The following NACA variants were observed in gnomAD, a reference collection of about 807,000 sequenced individuals.
NACA encodes the protein nascent polypeptide associated complex subunit alpha.
Under a neutral mutation model 86.4 loss-of-function variants are expected in NACA, and 42 were observed. The observed-to-expected ratio is 0.49, with a 90% CI of 0.38 to 0.63. NACA has a LOEUF of 0.63. Among genes scored for constraint, NACA ranks in the 20% least tolerant of loss-of-function variants. The pLI is 0.00. For missense variants in NACA, 2,157 were observed against 2,483.6 expected (o/e 0.87, Z 2.80); for synonymous variants, 898 against 973.7 (o/e 0.92, Z 1.45).
Position 56,714,703 on chromosome 12 carries a change from A to G in NACA, c.5660-16T>C, listed in dbSNP as rs1164734148. The G allele has an allele frequency of 3.1e-6, 5 of 1,610,110 alleles. No individual in the cohort carries two copies. The highest frequency in any genetic ancestry group is 4.2e-6 in the Non-Finnish European group (5 of 1,176,492). On this transcript the variant is annotated splice_polypyrimidine_tract_variant and intron_variant, in intron 3 of 8. Transcript: ENST00000454682. ...GTTCCAGACCCTAAGATGAGAAACA[A>G]CTTTTACTGCTTTATAGTAGAAATT...
At chr12:56,722,330 G>T (rs896918596) in intron 2 of NACA, among the ~76,000 whole-genome samples, 1 of 152,182 alleles carries the variant, frequency 6.6e-6, no homozygotes, top group Admixed American at 6.6e-5. Context: ...ACTCACAAGG[G>T]TAGGGACTGT....
At position 56,717,142 on chromosome 12, in the gene NACA, C is replaced by G; in HGVS notation, c.4388G>C (p.Gly1463Ala). 1 of 1,260,948 alleles carries G rather than the reference C, an allele frequency of 7.9e-7. No individual in the cohort carries two copies. Among genetic ancestry groups the G allele is most frequent in the Non-Finnish European group, 1.0e-6 (1 of 983,930 alleles). The allele number at this position is 1,260,948 out of a possible 1,614,324, so 78.1% of individuals were successfully genotyped here. Residue 1463 changes from glycine to alanine, a missense_variant, in exon 3 of 9, where the codon GGG becomes GCG. Transcript: ENST00000454682. ...AGTCACTGCTGGGAGGGTGGGATCC[C>G]CTTTGGAGGATGGGGTAGCTGGGCC... ...KGGPATPSSK[G>A]DPTLPAVTPP...
Position 56,715,986 on chromosome 12 carries a change from T to G in NACA, c.5544A>C (p.Pro1848=), listed in dbSNP as rs780303021. 1.9e-6 allele frequency: 3 copies of G among 1,579,288 alleles called. No individual in the cohort carries two copies. In the South Asian group the frequency reaches 3.5e-5, roughly 18 times the overall value. Residue 1848 remains proline, a synonymous_variant, in exon 3 of 9, where the codon CCA becomes CCC. Transcript: ENST00000454682. ...DELLPLIPPE[P]ISGGVPFQSV... ...ACTGGAAAGGCACTCCCCCAGAGAT[T>G]GGTTCCGGGGGAATCAGAGGCAGCA...
Position 56,716,332 on chromosome 12 carries a change from A to C in NACA, c.5198T>G (p.Val1733Gly), listed in dbSNP as rs756549363. The C allele has an allele frequency of 7.4e-6, 12 of 1,612,522 alleles. No homozygotes were observed. In the Admixed American group the frequency reaches 1.7e-4, roughly 22 times the overall value. ...AACAGGGAGTAGAGGGGCTGGAGCC[A>C]CTGTGGAAAGGGGTCCTTTAGAACC... ...KNGSKGPLST[V>G]APAPLLPVQK... The change falls in exon 3 of 9, where the codon GTG becomes GGG. Residue 1733 changes from valine (V) to glycine (G), a missense_variant. Physicochemically the swap from Val to Gly is moderately radical, Grantham distance 109. Around this residue, in one of 8 missense-constraint regions of NACA, gnomAD observed 797 missense variants for 777.6 expected, o/e 1.02. Transcript: ENST00000454682.
intron 5 of NACA, 143 bp from the exon 6 acceptor site, chr12:56,713,826 G>A (rs532274743): frequency 3.0e-5 from 25 of 836,170 alleles, no homozygotes; most frequent in African/African-American, 6.8e-5. Flanking sequence ...GTTTTCTGCC[G>A]TAGTAACTTC....
chr12:56,719,289 AC>A lies in NACA; in HGVS notation c.2240del (p.Gly747ValfsTer41). 1 of 1,589,976 alleles carries A rather than the reference AC, an allele frequency of 6.3e-7. No individual in the cohort carries two copies. Among genetic ancestry groups the A allele is most frequent in the Non-Finnish European group, 8.6e-7 (1 of 1,165,100 alleles). ...PSLPPAGTPP[G>X]TKKVDGISHT... Reference sequence around the variant, plus strand: ...GAGAAATACCATCAACCTTTTTTGTACCTGGAGGAGTCCCAGCTGGGGGAAG... The same window carrying A: ...GAGAAATACCATCAACCTTTTTTGTACTGGAGGAGTCCCAGCTGGGGGAAG... On this transcript the variant is annotated frameshift_variant, in exon 3 of 9. Transcript: ENST00000454682. LOFTEE classifies it high-confidence loss of function.
chr12:56,715,228 A>T (rs1414189252), intron 3 of NACA, among the ~76,000 whole-genome samples: 1 of 152,200 alleles, frequency 6.6e-6, no homozygotes, highest in Non-Finnish European at 1.5e-5. Context: ...AATGTGATCT[A>T]ATCAATATAA....
At position 56,716,139 on chromosome 12, in the gene NACA, T is replaced by G. The variant is rs1953352259; in HGVS notation, c.5391A>C (p.Pro1797=). The part of the protein sequence containing the change: ...SASVSAAPSP[P]VSLPLAPSPV... ...GGGAGGGAGCAAGAGGCAGAGAGAC[T>G]GGTGGGGAGGGTGCTGCAGAGACAG... Residue 1797 remains proline (P), a synonymous_variant, in exon 3 of 9, where the codon CCA becomes CCC. Transcript: ENST00000454682. 6.2e-7 allele frequency: 1 copy of G among 1,613,336 alleles called. No individual in the cohort carries two copies. Among genetic ancestry groups the G allele is most frequent in the Non-Finnish European group, 8.5e-7 (1 of 1,179,750 alleles).
In NACA at chr12:56,716,473, A is replaced by T. The variant is rs1271225851; in HGVS notation, c.5057T>A (p.Val1686Asp). The change falls in exon 3 of 9, where the codon GTT becomes GAT. Residue 1686 changes from valine (V) to aspartate (D), a missense_variant. This residue lies in a region of NACA where 797 missense variants were observed against 777.6 expected (regional missense o/e 1.02). Transcript: ENST00000454682. ...KGPTALKEVL[V>D]APAPESTPII... ...TGGCGTGCTTTCTGGAGCTGGGGCA[A>T]CAAGTACTTCTTTCAGAGCTGTGGG... The T allele has an allele frequency of 6.4e-7, 1 of 1,550,952 alleles. No individual in the cohort carries two copies. Among genetic ancestry groups the T allele is most frequent in the Non-Finnish European group, 8.8e-7 (1 of 1,140,586 alleles).
rs761767192 is a variant in NACA, at chr12:56,720,144, A to G, written c.1386T>C (p.Cys462=). 1 of 1,613,976 alleles carries G rather than the reference A, an allele frequency of 6.2e-7. No individual in the cohort carries two copies. The highest frequency in any genetic ancestry group is 1.1e-5 in the South Asian group (1 of 91,082). ...APTTTFEVAT[C]VSPPMSSGPI... ...GACCTGATGACATTGGAGGAGAAACACAAGTAGCTACCTCAAAGGTAGTAG... is the reference window on the plus strand; with the variant it reads ...GACCTGATGACATTGGAGGAGAAACGCAAGTAGCTACCTCAAAGGTAGTAG... The change falls in exon 3 of 9, where the codon TGT becomes TGC. Residue 462 remains cysteine (C), a synonymous_variant. Coordinates refer to ENST00000454682, the MANE Select transcript of NACA (RefSeq NM_001365896.1).
chr12:56,716,106 G>A lies in NACA; in HGVS notation c.5424C>T (p.Pro1808=). ...VSLPLAPSPV[P]TLPPKQQFLP... The stretch of plus-strand genomic sequence containing the variant: ...GAAATTGCTGTTTAGGAGGCAGAGT[G>A]GGAACTGGGGAGGGAGCAAGAGGCA... Residue 1808 remains proline, a synonymous_variant, in exon 3 of 9, where the codon CCC becomes CCT. Coordinates refer to ENST00000454682, the MANE Select transcript of NACA (RefSeq NM_001365896.1). 1 of 1,613,492 alleles carries A rather than the reference G, an allele frequency of 6.2e-7. No homozygotes were observed. Among genetic ancestry groups the A allele is most frequent in the Non-Finnish European group, 8.5e-7 (1 of 1,179,756 alleles).
At position 56,717,367 on chromosome 12, in the gene NACA, GA is replaced by G; in HGVS notation, c.4162del (p.Ser1388ProfsTer20). The G allele has an allele frequency of 7.3e-7, 1 of 1,372,512 alleles. No homozygotes were observed. The highest frequency in any genetic ancestry group is 1.3e-5 in the South Asian group (1 of 78,142). The allele number at this position is 1,372,512 out of a possible 1,614,324, so 85.0% of individuals were successfully genotyped here. A position where few individuals can be genotyped will look rare whatever the true frequency, so the allele number is the denominator to read the frequency against. ...HKGGPAMTPP[S>X]PKRGPAIPSP... Reference sequence around the variant, plus strand: ...TGGGATAGCTGGTCCTCTTTTGGGGGAGGGAGGAGTCATAGCGGGACCTCCT... The same window carrying G: ...TGGGATAGCTGGTCCTCTTTTGGGGGGGGAGGAGTCATAGCGGGACCTCCT... On this transcript the variant is annotated frameshift_variant, in exon 3 of 9. Transcript: ENST00000454682. LOFTEE classifies it high-confidence loss of function.
chr12:56,713,248 T>C (rs1198987379), intron 6 of NACA, 58 bp from the exon 7 acceptor site: 8 of 1,569,932 alleles, frequency 5.1e-6, no homozygotes, highest in Admixed American at 1.8e-5. Flanking sequence ...GAAAAATAAA[T>C]CATATAGTTT....
In NACA at chr12:56,717,117, A is replaced by C. The variant is rs534707813; in HGVS notation, c.4413T>G (p.Thr1471=). Residue 1471 remains threonine (T), a synonymous_variant, in exon 3 of 9, where the codon ACT becomes ACG. Transcript: ENST00000454682. ...CTGGGGGCTCCTTGGGGGAAGGAGG[A>C]GTCACTGCTGGGAGGGTGGGATCCC... The part of the protein sequence containing the change: ...SKGDPTLPAV[T]PPSPKEPPAP... 1.2e-5 allele frequency: 15 copies of C among 1,250,420 alleles called. No individual in the cohort carries two copies. In the South Asian group the frequency reaches 1.3e-4, roughly 10 times the overall value. The allele number at this position is 1,250,420 out of a possible 1,614,324, so 77.5% of individuals were successfully genotyped here. A position where few individuals can be genotyped will look rare whatever the true frequency, so the allele number is the denominator to read the frequency against.
chr12:56,719,199 A>G lies in NACA; in HGVS notation c.2331T>C (p.Ala777=). Residue 777 remains alanine (A), a synonymous_variant, in exon 3 of 9, where the codon GCT becomes GCC. Coordinates refer to ENST00000454682, the MANE Select transcript of NACA (RefSeq NM_001365896.1). ...PKECPTEDSG[A]SATASSKGTL... The stretch of plus-strand genomic sequence containing the variant: ...TTCCTTTGGAAGATGCAGTAGCAGA[A>G]GCACCAGAGTCCTCAGTTGGGCACT... 1 of 1,484,524 alleles carries G rather than the reference A, an allele frequency of 6.7e-7. No homozygotes were observed. The highest frequency in any genetic ancestry group is 9.1e-7 in the Non-Finnish European group (1 of 1,096,464). 92.0% of individuals were successfully genotyped at this position (1,484,524 alleles called of 1,614,324 possible).
Position 56,721,365 on chromosome 12 carries a change from C to G in NACA, c.165G>C (p.Gln55His). 6.3e-7 allele frequency: 1 copy of G among 1,599,450 alleles called. No homozygotes were observed. The highest frequency in any genetic ancestry group is 8.5e-7 in the Non-Finnish European group (1 of 1,174,014). The stretch of plus-strand genomic sequence containing the variant: ...CCTGGTTAGCAGCTGAGAGAGGGCA[C>G]TGTTGTGGGGCAGGAGAGCAAGGAG... ...LPPPCSPAPQQCPLSAANQAS... is the reference protein window; with the variant it reads ...LPPPCSPAPQHCPLSAANQAS... The change falls in exon 3 of 9, where the codon CAG (glutamine) becomes CAC (histidine). Residue 55 changes from glutamine (Q) to histidine (H), a missense_variant. Physicochemically the swap from Gln to His is conservative, Grantham distance 24. Around this residue, in one of 8 missense-constraint regions of NACA, gnomAD observed 947 missense variants for 917.9 expected, o/e 1.03. Coordinates refer to ENST00000454682, the MANE Select transcript of NACA (RefSeq NM_001365896.1).
chr12:56,723,669 T>G (rs573624682), intron 2 of NACA, among the ~76,000 whole-genome samples: 17 of 151,836 alleles, frequency 1.1e-4, no homozygotes, highest in African/African-American at 4.1e-4. Flanking sequence ...AAATGAAATT[T>G]AAAAAAAACC....
chr12:56,723,086 A>T (rs188713355), intron 2 of NACA, among the ~76,000 whole-genome samples: 6 of 152,342 alleles, frequency 3.9e-5, no homozygotes, highest in Admixed American at 3.9e-4. Flanking sequence ...AAAAACATGG[A>T]ATATGTTTTC....
In NACA at chr12:56,717,259, C is replaced by T. The variant is rs1347813326; in HGVS notation, c.4271G>A (p.Gly1424Asp). 1.5e-6 allele frequency: 2 copies of T among 1,323,462 alleles called. No homozygotes were observed. The highest frequency in any genetic ancestry group is 5.5e-5 in the Admixed American group (2 of 36,324). 82.0% of individuals were successfully genotyped at this position (1,323,462 alleles called of 1,614,324 possible). A position where few individuals can be genotyped will look rare whatever the true frequency, so the allele number is the denominator to read the frequency against. ...ATCTCCTTTGGATGGGGTGGCTGCG[C>T]CTTCTCTGGTGACTGGAGTTGCTGG... ...KAPATPVTRE[G>D]AATPSKGDLT... The change falls in exon 3 of 9, where the codon GGC becomes GAC. Residue 1424 changes from glycine to aspartate, a missense_variant. Physicochemically the swap from Gly to Asp is moderately conservative, Grantham distance 94. Coordinates refer to ENST00000454682, the MANE Select transcript of NACA (RefSeq NM_001365896.1).
Sources: gnomAD v4.1 joint callset for allele counts (sites outside exome capture counted in the v4.1 genomes callset) on GRCh38, gnomAD v4.1.1 for gene constraint, gnomAD v4.1.1 regional missense constraint, MANE v1.5 for transcripts, NCBI Gene and HGNC (gene_info 2026-07-23, HGNC 2026-07-21) for gene names.